The following EPHX2 variants were observed in gnomAD, a reference collection of about 807,000 sequenced individuals.
EPHX2 encodes the protein epoxide hydrolase 2, also known as bifunctional epoxide hydrolase 2.
EPHX2 carries 74 observed loss-of-function variants against 78.7 expected under a neutral mutation model. That is an observed-to-expected ratio of 0.94 (90% CI 0.78 to 1.14). The LOEUF (loss-of-function observed/expected upper bound fraction) is 1.14, where lower values mean the gene tolerates loss of function less well. Ranked by LOEUF, EPHX2 falls within the 50% of genes most tolerant of loss-of-function variation. The probability of loss-of-function intolerance (pLI) is 0.00; values close to 1 mark genes in which losing one functional copy is unlikely to be tolerated. For missense variants in EPHX2, 715 were observed against 702.5 expected (o/e 1.02, Z -0.20); for synonymous variants, 251 against 255.2 (o/e 0.98, Z 0.16).
intron 5 of EPHX2, 26 bp downstream of exon 5, chr8:27,507,020 G>A: frequency 6.2e-7 from 1 of 1,612,204 alleles, no homozygotes; most frequent in Non-Finnish European, 8.5e-7. Context: ...AGCGAGCCAA[G>A]CTTCCTGGAC....
rs191456477 is a variant in EPHX2, at chr8:27,501,331, T to C, written c.186+321T>C. On this transcript the variant is annotated intron_variant, in intron 2 of 18. Transcript: ENST00000521400. ...GAGGGAAATGCTATATATTTTCTTCTTCTTCTTCTTCTTCTTCTTCTTCTT... is the reference window on the plus strand; with the variant it reads ...GAGGGAAATGCTATATATTTTCTTCCTCTTCTTCTTCTTCTTCTTCTTCTT... Among the ~76,000 whole-genome samples the C allele has an allele frequency of 3.7e-3, 210 of 56,210 alleles. 1 individual carries two copies. Among genetic ancestry groups the C allele is most frequent in the Non-Finnish European group, 4.5e-3 (129 of 28,722 alleles). The allele number at this position is 56,210 out of a possible 152,430, so 36.9% of individuals were successfully genotyped here.
At chr8:27,515,329 C>T (rs72475842) in intron 6 of EPHX2, 178 of 181,490 alleles carry the variant, frequency 9.8e-4, no homozygotes, top group African/African-American at 3.9e-3. Flanking sequence ...GTATTCTGCA[C>T]GTGACCATGA....
intron 1 of EPHX2, 95 bp downstream of exon 1, chr8:27,491,404 C>A: frequency 5.5e-6 from 5 of 903,390 alleles, no homozygotes; most frequent in African/African-American, 1.8e-5. Flanking sequence ...GCTCCTGTGC[C>A]GGAGCCCTGC....
At chr8:27,492,224 AT>A (rs1490128898) in intron 1 of EPHX2, among the ~76,000 whole-genome samples, 1 of 152,204 alleles carries the variant, frequency 6.6e-6, no homozygotes, top group African/African-American at 2.4e-5. Context: ...GGAAGATGAG[AT>A]GGCAAGTAGC....
intron 12 of EPHX2, among the ~76,000 whole-genome samples, chr8:27,532,717 A>C (rs1031267313): frequency 6.6e-6 from 1 of 151,920 alleles, no homozygotes; most frequent in African/African-American, 2.4e-5. Context: ...TGTATGTCTC[A>C]ATTTCCCTCT....
intron 14 of EPHX2, chr8:27,539,021 G>T: frequency 3.7e-6 from 1 of 273,816 alleles, no homozygotes. Context: ...GTCACCTCGT[G>T]TATGCAGGTG....
intron 13 of EPHX2, among the ~76,000 whole-genome samples, chr8:27,538,234 C>A (rs1272795181): frequency 6.6e-6 from 1 of 152,066 alleles, no homozygotes; most frequent in African/African-American, 2.4e-5. Context: ...TTTTTCTAAT[C>A]AATTTTTTCA....
intron 6 of EPHX2, among the ~76,000 whole-genome samples, chr8:27,512,330 C>CAGCCTGGGAGGCTAA (rs1814283303): frequency 6.6e-6 from 1 of 152,186 alleles, no homozygotes; most frequent in Non-Finnish European, 1.5e-5. Context: ...AGCATGCACA[C>CAGCCTGGGAGGCTAA]AGCTGGCCTG....
chr8:27,505,383 G>A (rs1813964202), intron 4 of EPHX2, among the ~76,000 whole-genome samples: 1 of 152,154 alleles, frequency 6.6e-6, no homozygotes, highest in Non-Finnish European at 1.5e-5. Context: ...GGTCAAAACA[G>A]GCATCAGCAA....
At chr8:27,524,987 GA>G (rs5890372) in intron 11 of EPHX2, among the ~76,000 whole-genome samples, 47,759 of 151,028 alleles carry the variant, frequency 0.32, 11,754 homozygotes, top group African/African-American at 0.69. Context: ...TAAAGGGAGG[GA>G]AAAAAAATGA....
At position 27,500,938 on chromosome 8, in the gene EPHX2, TG is replaced by T. The variant is rs762135838; in HGVS notation, c.115del (p.Asp39MetfsTer16). The T allele has an allele frequency of 1.2e-6, 2 of 1,613,240 alleles. No homozygotes were observed. Among genetic ancestry groups the T allele is most frequent in the Non-Finnish European group, 1.7e-6 (2 of 1,179,614 alleles). ...ALALPRGLLN[D>X]AFQKGGPEGA... is the part of the protein sequence containing the mutation. ...TTGTGTTTTCCAGAGGACTTCTGAA[TG>T]ATGCTTTCCAGAAAGGGGGACCAGA... On this transcript the variant is annotated frameshift_variant, in exon 2 of 19. Coordinates refer to ENST00000521400, the MANE Select transcript of EPHX2 (RefSeq NM_001979.6). LOFTEE classifies it high-confidence loss of function.
At chr8:27,513,511 T>A (rs747729480) in intron 6 of EPHX2, among the ~76,000 whole-genome samples, 2 of 152,174 alleles carry the variant, frequency 1.3e-5, no homozygotes, top group Admixed American at 6.5e-5. Context: ...CCACCTTGTC[T>A]TTCCCCCACC....
chr8:27,544,658 A>C lies in EPHX2; in HGVS notation c.*136A>C. On this transcript the variant is annotated 3_prime_UTR_variant, in exon 19 of 19. Transcript: ENST00000521400. ...GTTCTGAAGGGGTTTGCAGAAAAAA[A>C]AGATTTTCTTTACATAAAGTGAATC... 1 of 854,708 alleles carries C rather than the reference A, an allele frequency of 1.2e-6. No individual in the cohort carries two copies. The allele number at this position is 854,708 out of a possible 1,614,324, so 52.9% of individuals were successfully genotyped here.
chr8:27,498,879 T>A (rs1304316632), intron 1 of EPHX2, among the ~76,000 whole-genome samples: 1 of 152,218 alleles, frequency 6.6e-6, no homozygotes, highest in Non-Finnish European at 1.5e-5. Flanking sequence ...GCTATGTAAT[T>A]GTCTTAGTCC....
chr8:27,503,915 C>A, intron 3 of EPHX2, 152 bp downstream of exon 3: 1 of 996,620 alleles, frequency 1.0e-6, no homozygotes, highest in Non-Finnish European at 1.4e-6. Flanking sequence ...CAAGTTTTAT[C>A]CAATGGCAAA....
At chr8:27,527,524 C>T (rs1585212612) in intron 12 of EPHX2, among the ~76,000 whole-genome samples, 1 of 152,204 alleles carries the variant, frequency 6.6e-6, no homozygotes, top group Non-Finnish European at 1.5e-5. Flanking sequence ...TGAAGCCCTT[C>T]GCCCATTAAA....
chr8:27,518,336 A>G (rs72475856), intron 9 of EPHX2, among the ~76,000 whole-genome samples: 9 of 152,394 alleles, frequency 5.9e-5, no homozygotes, highest in African/African-American at 2.2e-4. Flanking sequence ...GTCAGTAGCC[A>G]GTAGAGCCAG....
At chr8:27,502,093 G>A (rs778033135) in intron 2 of EPHX2, among the ~76,000 whole-genome samples, 20 of 152,248 alleles carry the variant, frequency 1.3e-4, no homozygotes, top group African/African-American at 3.6e-4. Context: ...ACATAACCCC[G>A]CTCTGGATAC....
At chr8:27,510,327 C>T (rs1814192024) in intron 5 of EPHX2, among the ~76,000 whole-genome samples, 1 of 152,182 alleles carries the variant, frequency 6.6e-6, no homozygotes, top group African/African-American at 2.4e-5. Flanking sequence ...CATACGTGTC[C>T]TCAGTAGTGG....
Sources: allele counts gnomAD v4.1 joint callset (sites outside exome capture counted in the v4.1 genomes callset), GRCh38; gene constraint gnomAD v4.1.1; transcripts MANE v1.5; gene names NCBI Gene and HGNC (gene_info 2026-07-23, HGNC 2026-07-21).